Variants in CSMD3 observed in about 807,000 individuals in gnomAD.
The protein encoded by CSMD3 is CUB and Sushi multiple domains 3, also known as CUB and sushi domain-containing protein 3.
CSMD3 carries 177 observed loss-of-function variants against 435.2 expected under a neutral mutation model. That is an observed-to-expected ratio of 0.41 (90% CI 0.36 to 0.46). The LOEUF (loss-of-function observed/expected upper bound fraction) is 0.46, where lower values mean the gene tolerates loss of function less well. Among genes scored for constraint, CSMD3 ranks in the 20% least tolerant of loss-of-function variants. The pLI is 0.34. For missense variants in CSMD3, 4,265 were observed against 4,504.6 expected (o/e 0.95, Z 1.52); for synonymous variants, 1,656 against 1,520.5 (o/e 1.09, Z -2.07).
chr8:112,585,365 A>T (rs1361201470), intron 23 of CSMD3, among the ~76,000 whole-genome samples: 2 of 151,388 alleles, frequency 1.3e-5, no homozygotes. Flanking sequence ...CATATAAGAG[A>T]AATCTGTATT....
chr8:113,069,009 A>G (rs6999773), intron 5 of CSMD3, among the ~76,000 whole-genome samples: 101,649 of 151,766 alleles, frequency 0.67, 35,589 homozygotes, highest in East Asian at 0.95. Flanking sequence ...GAGTTAAGCA[A>G]CTTAACCAAG....
At chr8:112,523,034 A>T (rs936464313) in intron 27 of CSMD3, among the ~76,000 whole-genome samples, 3 of 151,972 alleles carry the variant, frequency 2.0e-5, no homozygotes, top group Admixed American at 1.3e-4. Flanking sequence ...TTTGCTTGGT[A>T]TAACAAAGAA....
At chr8:112,243,251 A>C (rs554918803) in intron 65 of CSMD3, among the ~76,000 whole-genome samples, 1 of 152,270 alleles carries the variant, frequency 6.6e-6, no homozygotes, top group South Asian at 2.1e-4. Flanking sequence ...AAAAATAGAA[A>C]GAAAAATAGC....
At chr8:113,294,771 G>A (rs1403074303) in intron 2 of CSMD3, among the ~76,000 whole-genome samples, 7 of 152,034 alleles carry the variant, frequency 4.6e-5, no homozygotes, top group African/African-American at 1.2e-4. Context: ...AAGTTACAGC[G>A]TGACTGACAT....
chr8:113,165,524 C>A (rs972631879), intron 4 of CSMD3, among the ~76,000 whole-genome samples: 7 of 152,050 alleles, frequency 4.6e-5, no homozygotes, highest in Non-Finnish European at 7.4e-5. Flanking sequence ...GCAATGAAGA[C>A]TCAGTTGCCT....
intron 2 of CSMD3, among the ~76,000 whole-genome samples, chr8:113,296,848 A>G (rs1469840721): frequency 6.6e-6 from 1 of 152,096 alleles, no homozygotes; most frequent in Non-Finnish European, 1.5e-5. Context: ...CACGAAAACC[A>G]TTTTTCTGCA....
intron 32 of CSMD3, among the ~76,000 whole-genome samples, chr8:112,441,250 T>C (rs1182546189): frequency 6.6e-6 from 1 of 152,090 alleles, no homozygotes; most frequent in Non-Finnish European, 1.5e-5. Context: ...TTTGCTCCCG[T>C]TCCCAACAAG....
intron 23 of CSMD3, among the ~76,000 whole-genome samples, chr8:112,584,909 C>T (rs953318259): frequency 1.3e-5 from 2 of 151,610 alleles, no homozygotes; most frequent in Non-Finnish European, 3.0e-5. Flanking sequence ...AAATAACTTT[C>T]CACCCTAAGA....
At chr8:112,423,177 C>A (rs10505175) in intron 32 of CSMD3, among the ~76,000 whole-genome samples, 30,425 of 151,798 alleles carry the variant, frequency 0.2, 3,874 homozygotes, top group East Asian at 0.44. Context: ...TAAACAATAT[C>A]ATCCATAACC....
At chr8:112,799,233 G>C (rs1218637249) in intron 13 of CSMD3, among the ~76,000 whole-genome samples, 1 of 127,016 alleles carries the variant, frequency 7.9e-6, no homozygotes, top group Non-Finnish European at 1.6e-5. Context: ...CAGAATGAAT[G>C]TGTTCTGTCT....
intron 27 of CSMD3, among the ~76,000 whole-genome samples, chr8:112,530,191 G>A (rs1010669318): frequency 6.6e-6 from 1 of 152,086 alleles, no homozygotes; most frequent in African/African-American, 2.4e-5. Context: ...TTTACATTAT[G>A]AGAGTGTCAG....
intron 3 of CSMD3, among the ~76,000 whole-genome samples, chr8:113,218,481 AG>A (rs2092931293): frequency 1.3e-5 from 2 of 150,086 alleles, no homozygotes; most frequent in Admixed American, 6.7e-5. Context: ...AAAAAAAAAA[AG>A]AATACTATGT....
intron 13 of CSMD3, among the ~76,000 whole-genome samples, chr8:112,753,729 C>T (rs1348133562): frequency 1.3e-5 from 2 of 152,170 alleles, no homozygotes; most frequent in East Asian, 1.9e-4. Flanking sequence ...TAGGAAATGC[C>T]TGTACAAGTT....
intron 1 of CSMD3, among the ~76,000 whole-genome samples, chr8:113,343,611 T>C (rs2094134040): frequency 6.6e-6 from 1 of 152,046 alleles, no homozygotes; most frequent in African/African-American, 2.4e-5. Flanking sequence ...AACTTATAGA[T>C]TTAGAAAGGT....
At position 112,295,833 on chromosome 8, in the gene CSMD3, G is replaced by A. The variant is rs199825870; in HGVS notation, c.8614C>T (p.Pro2872Ser). 1.9e-6 allele frequency: 3 copies of A among 1,613,396 alleles called. No homozygotes were observed. The highest frequency in any genetic ancestry group is 2.2e-5 in the East Asian group (1 of 44,808). Residue 2872 changes from proline to serine, a missense_variant and splice_region_variant, in exon 54 of 71, where the codon CCT becomes TCT. Around this residue, in one of 3 missense-constraint regions of CSMD3, gnomAD observed 3,255 missense variants for 3,380.2 expected, o/e 0.96. Transcript: ENST00000297405. ...NWSGQLPSCV[P>S]VSCGHPGSPI... ...AATTGCTTTTGCCATGCTTACTTAC[G>A]CACACAGGATGGGAGCTGACCAGAC...
chr8:113,391,117 T>C (rs1001067076), intron 1 of CSMD3, among the ~76,000 whole-genome samples: 13 of 151,940 alleles, frequency 8.6e-5, no homozygotes, highest in African/African-American at 2.4e-4. Flanking sequence ...CCCATTAGAA[T>C]TATATGAAGT....
At chr8:113,149,687 A>C (rs2131776428) in intron 4 of CSMD3, among the ~76,000 whole-genome samples, 1 of 152,020 alleles carries the variant, frequency 6.6e-6, no homozygotes, top group African/African-American at 2.4e-5. Context: ...AAAATGGTAT[A>C]TTTCTCTAAA....
In CSMD3 at chr8:112,979,888, T is replaced by C. The variant is rs147448388; in HGVS notation, c.1031-3740A>G. Among the ~76,000 whole-genome samples, 1,010 of 151,244 alleles carry C rather than the reference T, an allele frequency of 6.7e-3. 12 individuals are homozygous for C. Among genetic ancestry groups the C allele is most frequent in the African/African-American group, 0.023 (969 of 41,500 alleles). ...CTGAAATATAATTTTAATAATGCTA[T>C]TTAACAAAATATTCCTAAACTAACA... On this transcript the variant is annotated intron_variant, in intron 6 of 70. Coordinates refer to ENST00000297405, the MANE Select transcript of CSMD3 (RefSeq NM_198123.2).
intron 40 of CSMD3, among the ~76,000 whole-genome samples, chr8:112,346,732 G>A (rs1825713039): frequency 1.5e-5 from 2 of 135,530 alleles, no homozygotes; most frequent in African/African-American, 6.0e-5. Flanking sequence ...AGGCTGGAGT[G>A]CAGTGGCGCA....
Sources: allele counts gnomAD v4.1 joint callset (sites outside exome capture counted in the v4.1 genomes callset), GRCh38; gene constraint gnomAD v4.1.1; regional missense constraint gnomAD v4.1.1; transcripts MANE v1.5; gene names NCBI Gene and HGNC (gene_info 2026-07-23, HGNC 2026-07-21).